Variants in GALNTL6 observed in about 807,000 individuals in gnomAD.
GALNTL6 encodes polypeptide N-acetylgalactosaminyltransferase like 6, also known as polypeptide N-acetylgalactosaminyltransferase-like 6.
GALNTL6 carries 46 observed loss-of-function variants against 73.7 expected under a neutral mutation model. The observed-to-expected ratio is 0.62, with a 90% CI of 0.49 to 0.80. The LOEUF (loss-of-function observed/expected upper bound fraction) is 0.80, where lower values mean the gene tolerates loss of function less well. Among genes scored for constraint, GALNTL6 ranks in the 30% least tolerant of loss-of-function variants. The pLI is 0.00. For missense variants in GALNTL6, 604 were observed against 755.0 expected (o/e 0.80, Z 2.34); for synonymous variants, 259 against 263.7 (o/e 0.98, Z 0.17).
intron 5 of GALNTL6, among the ~76,000 whole-genome samples, chr4:172,552,697 C>A (rs577883079): frequency 6.7e-6 from 1 of 149,572 alleles, no homozygotes; most frequent in Admixed American, 6.7e-5. Flanking sequence ...TAAAAACTTA[C>A]GTGTGAGAGT....
intron 10 of GALNTL6, among the ~76,000 whole-genome samples, chr4:172,973,273 G>A (rs1341090364): frequency 1.3e-5 from 2 of 152,296 alleles, no homozygotes; most frequent in African/African-American, 4.8e-5. Flanking sequence ...ATTCTGGTAT[G>A]ATATGATGCA....
intron 2 of GALNTL6, among the ~76,000 whole-genome samples, chr4:171,871,140 C>G (rs1736123258): frequency 6.6e-6 from 1 of 151,908 alleles, no homozygotes; most frequent in African/African-American, 2.4e-5. Context: ...ACAGTAGTCC[C>G]TTCTTATTTG....
intron 2 of GALNTL6, among the ~76,000 whole-genome samples, chr4:171,874,049 C>T (rs2110899794): frequency 6.6e-6 from 1 of 152,248 alleles, no homozygotes; most frequent in East Asian, 1.9e-4. Context: ...TCTTTTTAAT[C>T]ACTGTTTTTT....
At position 173,009,289 on chromosome 4, in the gene GALNTL6, G is replaced by A; in HGVS notation, c.1483G>A (p.Glu495Lys). The change falls in exon 11 of 13, where the codon GAA becomes AAA. Residue 495 changes from glutamate (E) to lysine (K), a missense_variant. Around this residue, in one of 5 missense-constraint regions of GALNTL6, gnomAD observed 261 missense variants for 296.5 expected, o/e 0.88. Transcript: ENST00000506823. ...KDGSERTWSH[E>K]QLFTFGWRED... Reference sequence around the variant, plus strand: ...TGGTTCTGAAAGAACATGGTCTCATGAACAGGTGAGTCACCTCCCAGAAGC... The same window carrying A: ...TGGTTCTGAAAGAACATGGTCTCATAAACAGGTGAGTCACCTCCCAGAAGC... 2 of 1,601,916 alleles carry A rather than the reference G, an allele frequency of 1.2e-6. No individual in the cohort carries two copies. The highest frequency in any genetic ancestry group is 1.7e-6 in the Non-Finnish European group (2 of 1,168,898).
intron 5 of GALNTL6, among the ~76,000 whole-genome samples, chr4:172,474,559 C>G (rs1733166177): frequency 6.6e-6 from 1 of 152,094 alleles, no homozygotes; most frequent in Non-Finnish European, 1.5e-5. Context: ...AACTTAATCA[C>G]TATACATTGG....
At chr4:172,859,308 G>C (rs1355829776) in intron 7 of GALNTL6, among the ~76,000 whole-genome samples, 2 of 152,154 alleles carry the variant, frequency 1.3e-5, no homozygotes, top group African/African-American at 4.8e-5. Context: ...CATGAAAGGT[G>C]ACTCTCTAGC....
chr4:172,033,001 T>C (rs980484930), intron 2 of GALNTL6, among the ~76,000 whole-genome samples: 2 of 152,092 alleles, frequency 1.3e-5, no homozygotes, highest in African/African-American at 4.8e-5. Context: ...TTATATATAC[T>C]GAATAAATGT....
intron 2 of GALNTL6, among the ~76,000 whole-genome samples, chr4:171,863,506 C>A (rs1305610323): frequency 1.3e-5 from 2 of 151,946 alleles, no homozygotes; most frequent in African/African-American, 4.8e-5. Context: ...AGTTTTTTGC[C>A]TTCAGACTTT....
chr4:172,554,589 A>C (rs1736077372), intron 5 of GALNTL6, among the ~76,000 whole-genome samples: 1 of 152,172 alleles, frequency 6.6e-6, no homozygotes, highest in South Asian at 2.1e-4. Context: ...TCTCCTCCCC[A>C]CTAGAAAGAG....
intron 5 of GALNTL6, among the ~76,000 whole-genome samples, chr4:172,658,510 C>G (rs920660608): frequency 6.6e-6 from 1 of 150,770 alleles, no homozygotes; most frequent in Admixed American, 6.6e-5. Flanking sequence ...AAAGAAATAT[C>G]TTTGTGGGTA....
intron 5 of GALNTL6, among the ~76,000 whole-genome samples, chr4:172,448,043 T>C (rs536717125): frequency 2.9e-4 from 44 of 152,300 alleles, no homozygotes; most frequent in African/African-American, 9.9e-4. Flanking sequence ...TTAATGTTTC[T>C]AAAACATGAA....
At chr4:172,602,778 A>C (rs1245468155) in intron 5 of GALNTL6, among the ~76,000 whole-genome samples, 1 of 152,208 alleles carries the variant, frequency 6.6e-6, no homozygotes, top group African/African-American at 2.4e-5. Flanking sequence ...ATGCTTATAC[A>C]TTAATGTTTA....
intron 7 of GALNTL6, among the ~76,000 whole-genome samples, chr4:172,856,155 T>C (rs1744111836): frequency 6.6e-6 from 1 of 152,234 alleles, no homozygotes; most frequent in African/African-American, 2.4e-5. Flanking sequence ...TGGTCCTTCT[T>C]GCTGATTCTT....
chr4:172,458,652 C>A (rs1023642579), intron 5 of GALNTL6, among the ~76,000 whole-genome samples: 4 of 151,994 alleles, frequency 2.6e-5, no homozygotes, highest in African/African-American at 9.7e-5. Context: ...ACACATACAC[C>A]CTCCCAGGAC....
At chr4:172,811,307 A>T (rs187745654) in intron 6 of GALNTL6, among the ~76,000 whole-genome samples, 1 of 152,244 alleles carries the variant, frequency 6.6e-6, no homozygotes, top group Non-Finnish European at 1.5e-5. Context: ...GGACAGCTGG[A>T]TAAGAGTGAA....
intron 4 of GALNTL6, among the ~76,000 whole-genome samples, chr4:172,340,628 G>A (rs1388486023): frequency 6.6e-6 from 1 of 152,130 alleles, no homozygotes; most frequent in Non-Finnish European, 1.5e-5. Context: ...GTTACATAAT[G>A]AATTTAAGTT....
At chr4:172,460,445 G>T (rs1046333368) in intron 5 of GALNTL6, among the ~76,000 whole-genome samples, 1 of 152,102 alleles carries the variant, frequency 6.6e-6, no homozygotes, top group Non-Finnish European at 1.5e-5. Context: ...CCTACAGAAT[G>T]GGAGAAAATT....
intron 3 of GALNTL6, among the ~76,000 whole-genome samples, chr4:172,272,026 C>T (rs1405680182): frequency 6.6e-6 from 1 of 151,970 alleles, no homozygotes; most frequent in Non-Finnish European, 1.5e-5. Context: ...GACCTTGGCT[C>T]ACTGCAACCT....
chr4:172,424,335 G>A (rs1006029616), intron 5 of GALNTL6, among the ~76,000 whole-genome samples: 2 of 151,812 alleles, frequency 1.3e-5, no homozygotes, highest in Non-Finnish European at 2.9e-5. Flanking sequence ...TTTGACAAAT[G>A]GATTGATTGA....
Sources: allele counts gnomAD v4.1 joint callset (sites outside exome capture counted in the v4.1 genomes callset), GRCh38; gene constraint gnomAD v4.1.1; regional missense constraint gnomAD v4.1.1; transcripts MANE v1.5; gene names NCBI Gene and HGNC (gene_info 2026-07-23, HGNC 2026-07-21).